The following CEP43 variants were observed in gnomAD, a reference collection of about 807,000 sequenced individuals.
The protein encoded by CEP43 is centrosomal protein 43.
CEP43 carries 36 observed loss-of-function variants against 52.6 expected under a neutral mutation model. That is an observed-to-expected ratio of 0.68 (90% CI 0.52 to 0.90). The LOEUF is 0.90. Ranked by LOEUF, CEP43 falls within the 40% of genes least tolerant of loss-of-function variation. CEP43 has a pLI of 0.00. For missense variants in CEP43, 506 were observed against 472.8 expected (o/e 1.07, Z -0.65); for synonymous variants, 192 against 172.4 (o/e 1.11, Z -0.89).
Position 167,040,417 on chromosome 6 carries a change from G to A in CEP43, c.*439G>A. 1 of 1,280,638 alleles carries A rather than the reference G, an allele frequency of 7.8e-7. No homozygotes were observed. The highest frequency in any genetic ancestry group is 3.3e-5 in the East Asian group (1 of 30,020). 79.3% of individuals were successfully genotyped at this position (1,280,638 alleles called of 1,614,324 possible). A position where few individuals can be genotyped will look rare whatever the true frequency, so the allele number is the denominator to read the frequency against. On this transcript the variant is annotated 3_prime_UTR_variant, in exon 13 of 13. Transcript: ENST00000366847. Reference sequence around the variant, plus strand: ...CCCACCATAGTATATTTTGATATTAGGTGGTTCTACACATAGTTGGCAAAA... The same window carrying A: ...CCCACCATAGTATATTTTGATATTAAGTGGTTCTACACATAGTTGGCAAAA...
intron 11 of CEP43, 28 bp downstream of exon 11, chr6:167,032,670 A>G (rs370822359): frequency 1.3e-6 from 2 of 1,533,660 alleles, no homozygotes; most frequent in Non-Finnish European, 1.8e-6. Flanking sequence ...GCAAATATAT[A>G]AATATATACG....
At chr6:167,014,225 A>G (rs1325497786) in intron 7 of CEP43, among the ~76,000 whole-genome samples, 1 of 152,214 alleles carries the variant, frequency 6.6e-6, no homozygotes, top group Non-Finnish European at 1.5e-5. Context: ...ATACGTACCT[A>G]TTGATAAATT....
rs1171485149 is a variant in CEP43 at position 167,052,400 on chromosome 6, C to T, written c.*12422C>T. 3 of 152,160 alleles carry T rather than the reference C, an allele frequency of 2.0e-5. No homozygotes were observed. The highest frequency in any genetic ancestry group is 3.8e-4 in the East Asian group (2 of 5,196). 9.4% of individuals were successfully genotyped at this position (152,160 alleles called of 1,614,324 possible). ...AAAAGTGTGTGAAAGGGGGCTCCAC[C>T]TCCTTTAGTGGATACCCTGAGCTTA... On this transcript the variant is annotated 3_prime_UTR_variant, in exon 13 of 13. Transcript: ENST00000366847.
In CEP43 at chr6:167,003,242, A is replaced by G. The variant is rs1779778160; in HGVS notation, c.206A>G (p.Lys69Arg). ...NESLKKFLNTKDGRLVASLVA... is the reference protein window; with the variant it reads ...NESLKKFLNTRDGRLVASLVA... The stretch of plus-strand genomic sequence containing the variant: ...AGCCTGAAAAAGTTTTTAAATACCA[A>G]AGACGGTAAGATGTTCAGTTTGTTC... The change falls in exon 3 of 13, where the codon AAA becomes AGA. Residue 69 changes from lysine (K) to arginine (R), a missense_variant. Coordinates refer to ENST00000366847, the MANE Select transcript of CEP43 (RefSeq NM_007045.4). 4 of 1,484,632 alleles carry G rather than the reference A, an allele frequency of 2.7e-6. No homozygotes were observed. The highest frequency in any genetic ancestry group is 3.7e-6 in the Non-Finnish European group (4 of 1,092,784). The allele number at this position is 1,484,632 out of a possible 1,614,324, so 92.0% of individuals were successfully genotyped here.
chr6:167,028,386 T>C (rs73028295), intron 10 of CEP43: 15,656 of 985,270 alleles, frequency 0.016, 178 homozygotes, highest in East Asian at 0.09. Flanking sequence ...CTTAGGCATA[T>C]CTCGGGTTGG....
intron 5 of CEP43, among the ~76,000 whole-genome samples, chr6:167,006,307 G>A (rs1180170773): frequency 1.3e-5 from 2 of 152,156 alleles, no homozygotes; most frequent in African/African-American, 4.8e-5. Flanking sequence ...ATGAAGTCAA[G>A]AGATGGAGAC....
chr6:167,031,847 CTT>C (rs1780477882), intron 10 of CEP43, among the ~76,000 whole-genome samples: 1 of 152,166 alleles, frequency 6.6e-6, no homozygotes, highest in Non-Finnish European at 1.5e-5. Flanking sequence ...CAAATTTGTC[CTT>C]TATAGCCTTA....
intron 12 of CEP43, chr6:167,036,606 C>T (rs776103072): frequency 4.1e-6 from 4 of 985,442 alleles, no homozygotes; most frequent in Non-Finnish European, 4.8e-6. Context: ...TTTTCAAAAT[C>T]TTACAAGTTC....
At chr6:167,036,323 A>G in intron 12 of CEP43, 1 of 985,398 alleles carries the variant, frequency 1.0e-6, no homozygotes, top group Non-Finnish European at 1.2e-6. Flanking sequence ...CCAGAGCTTC[A>G]CTGGAGGGTG....
chr6:167,041,727 T>C lies in CEP43; in HGVS notation c.*1749T>C. 1.1e-5 allele frequency: 11 copies of C among 1,034,504 alleles called. No individual in the cohort carries two copies. Among genetic ancestry groups the C allele is most frequent in the Non-Finnish European group, 1.3e-5 (11 of 859,850 alleles). The allele number at this position is 1,034,504 out of a possible 1,614,324, so 64.1% of individuals were successfully genotyped here. ...AGTAGCAACTGAAATTTGTCACTTT[T>C]CTGTTACGCAGAGAATCAGACCTTT... is the stretch of plus-strand genomic sequence containing the variant. On this transcript the variant is annotated 3_prime_UTR_variant, in exon 13 of 13. Coordinates refer to ENST00000366847, the MANE Select transcript of CEP43 (RefSeq NM_007045.4).
chr6:167,026,625 T>G lies in CEP43; in HGVS notation c.988+10T>G. The G allele has an allele frequency of 5.2e-6, 8 of 1,533,090 alleles. No individual in the cohort carries two copies. The highest frequency in any genetic ancestry group is 6.3e-6 in the Non-Finnish European group (7 of 1,106,730). The allele number at this position is 1,533,090 out of a possible 1,614,324, so 95.0% of individuals were successfully genotyped here. A position where few individuals can be genotyped will look rare whatever the true frequency, so the allele number is the denominator to read the frequency against. On this transcript the variant is annotated intron_variant, in intron 10 of 12. Coordinates refer to ENST00000366847, the MANE Select transcript of CEP43 (RefSeq NM_007045.4). ...GGATCACTTGGATTAGGTAATTAGATTTCTAGTTTTTGTGCTGATCGTTTT... is the reference window on the plus strand; with the variant it reads ...GGATCACTTGGATTAGGTAATTAGAGTTCTAGTTTTTGTGCTGATCGTTTT...
intron 9 of CEP43, among the ~76,000 whole-genome samples, chr6:167,025,681 G>T (rs953131366): frequency 6.6e-6 from 1 of 152,132 alleles, no homozygotes; most frequent in Non-Finnish European, 1.5e-5. Context: ...TAAGAGAGCC[G>T]GCCTGTTGCT....
intron 7 of CEP43, among the ~76,000 whole-genome samples, chr6:167,019,367 C>A (rs145118877): frequency 4.1e-4 from 62 of 152,282 alleles, no homozygotes; most frequent in African/African-American, 1.4e-3. Flanking sequence ...CTGCTCTCAG[C>A]GTTTTCAGTG....
intron 9 of CEP43, 55 bp downstream of exon 9, chr6:167,024,949 A>G (rs1780322075): frequency 1.1e-6 from 1 of 932,216 alleles, no homozygotes; most frequent in Non-Finnish European, 1.7e-6. Flanking sequence ...CTCTAATTAA[A>G]TACTATGTGA....
At position 167,050,628 on chromosome 6, in the gene CEP43, T is replaced by TTA. The variant is rs1164413617; in HGVS notation, c.*10651_*10652dup. The TTA allele has an allele frequency of 6.6e-6, 1 of 151,778 alleles. No individual in the cohort carries two copies. The highest frequency in any genetic ancestry group is 1.5e-5 in the Non-Finnish European group (1 of 67,974). 9.4% of individuals were successfully genotyped at this position (151,778 alleles called of 1,614,324 possible). ...CCTGTCTCTACTAAAAATACAAAAA[T>TTA]TAGTCAGGTGTGGCAGTGCGTGCCC... On this transcript the variant is annotated 3_prime_UTR_variant, in exon 13 of 13. Coordinates refer to ENST00000366847, the MANE Select transcript of CEP43 (RefSeq NM_007045.4).
chr6:167,044,189 T>G lies in CEP43; in HGVS notation c.*4211T>G, dbSNP rs1337236233. ...ATAAATTATCCAGTCCAAGGTACTT[T>G]AGGAACCTGAATGGATTAAGACAAA... is the stretch of plus-strand genomic sequence containing the variant. On this transcript the variant is annotated 3_prime_UTR_variant, in exon 13 of 13. Transcript: ENST00000366847. 1 of 154,640 alleles carries G rather than the reference T, an allele frequency of 6.5e-6. No homozygotes were observed. Among genetic ancestry groups the G allele is most frequent in the Non-Finnish European group, 1.4e-5 (1 of 70,272 alleles). 9.6% of individuals were successfully genotyped at this position (154,640 alleles called of 1,614,324 possible).
In CEP43 at chr6:167,046,908, T is replaced by G. The variant is rs1780807573; in HGVS notation, c.*6930T>G. 1 of 152,206 alleles carries G rather than the reference T, an allele frequency of 6.6e-6. No homozygotes were observed. Among genetic ancestry groups the G allele is most frequent in the African/African-American group, 2.4e-5 (1 of 41,448 alleles). 9.4% of individuals were successfully genotyped at this position (152,206 alleles called of 1,614,324 possible). A position where few individuals can be genotyped will look rare whatever the true frequency, so the allele number is the denominator to read the frequency against. On this transcript the variant is annotated 3_prime_UTR_variant, in exon 13 of 13. Coordinates refer to ENST00000366847, the MANE Select transcript of CEP43 (RefSeq NM_007045.4). ...AGCAGGCGTTGATTTCTGGGGCACT[T>G]TTGATAAACTCCTGGCAGGAAACTC...
In CEP43 at chr6:167,051,168, C is replaced by T. The variant is rs1417002588; in HGVS notation, c.*11190C>T. The T allele has an allele frequency of 2.0e-5, 3 of 152,138 alleles. No homozygotes were observed. The highest frequency in any genetic ancestry group is 4.8e-5 in the African/African-American group (2 of 41,418). The allele number at this position is 152,138 out of a possible 1,614,324, so 9.4% of individuals were successfully genotyped here. ...TCAGAAATGCAAAAGCCTGGAAAGT[C>T]ATCTCAAATGTTAGGTTCTACAATA... On this transcript the variant is annotated 3_prime_UTR_variant, in exon 13 of 13. Coordinates refer to ENST00000366847, the MANE Select transcript of CEP43 (RefSeq NM_007045.4).
chr6:167,027,789 T>G (rs1329901419), intron 10 of CEP43: 1 of 761,258 alleles, frequency 1.3e-6, no homozygotes, highest in Non-Finnish European at 1.6e-6. Context: ...ATATGTAAAT[T>G]AAAGTACAGT....
Sources: gnomAD v4.1 joint callset for allele counts (sites outside exome capture counted in the v4.1 genomes callset) on GRCh38, gnomAD v4.1.1 for gene constraint, MANE v1.5 for transcripts, NCBI Gene and HGNC (gene_info 2026-07-23, HGNC 2026-07-21) for gene names.